The following RALGAPA2 variants were observed in gnomAD, a reference collection of about 807,000 sequenced individuals.
RALGAPA2 encodes ral GTPase-activating protein subunit alpha-2.
In RALGAPA2, 139 loss-of-function variants were observed where a neutral mutation model predicts 230.4. The observed-to-expected ratio is 0.60, with a 90% CI of 0.53 to 0.69. The LOEUF is 0.69. Ranked by LOEUF, RALGAPA2 falls within the 30% of genes least tolerant of loss-of-function variation. The pLI, the probability that RALGAPA2 is intolerant of heterozygous loss-of-function variation, is 0.00. For missense variants in RALGAPA2, 2,163 were observed against 2,276.0 expected (o/e 0.95, Z 1.01); for synonymous variants, 847 against 837.8 (o/e 1.01, Z -0.19).
At chr20:20,604,199 C>T (rs1425680894) in intron 15 of RALGAPA2, among the ~76,000 whole-genome samples, 1 of 152,166 alleles carries the variant, frequency 6.6e-6, no homozygotes, top group African/African-American at 2.4e-5. Context: ...TACTATATGC[C>T]TTTCTATGAG....
intron 1 of RALGAPA2, among the ~76,000 whole-genome samples, chr20:20,701,405 A>G (rs2069355664): frequency 6.6e-6 from 1 of 152,254 alleles, no homozygotes; most frequent in African/African-American, 2.4e-5. Flanking sequence ...TGCACTTATC[A>G]TTTAGTGGGA....
rs1164211587 is a variant in RALGAPA2, at chr20:20,560,728, C to T, written c.3156+10730G>A. On this transcript the variant is annotated intron_variant, in intron 23 of 39. Coordinates refer to ENST00000202677, the MANE Select transcript of RALGAPA2 (RefSeq NM_020343.4). Reference sequence around the variant, plus strand: ...TCCTTCCCCAAGTATAACTTTAGTACCTGAAATGTCTCTAGAAGCTATTCC... The same window carrying T: ...TCCTTCCCCAAGTATAACTTTAGTATCTGAAATGTCTCTAGAAGCTATTCC... Among the ~76,000 whole-genome samples the T allele has an allele frequency of 2.6e-5, 4 of 152,156 alleles. No homozygotes were observed. In the South Asian group the frequency reaches 6.2e-4, roughly 24 times the overall value.
chr20:20,410,305 T>C lies in RALGAPA2; in HGVS notation c.5617+1722A>G, dbSNP rs374334943. Among the ~76,000 whole-genome samples, 10 of 152,288 alleles carry C rather than the reference T, an allele frequency of 6.6e-5. No individual in the cohort carries two copies. In the East Asian group the frequency reaches 1.9e-3, roughly 29 times the overall value. On this transcript the variant is annotated intron_variant, in intron 38 of 39. Coordinates refer to ENST00000202677, the MANE Select transcript of RALGAPA2 (RefSeq NM_020343.4). ...GCTAAAATATACATAGAAAACAAAGTCCATCATTATTCATTTTGATAATAT... is the reference window on the plus strand; with the variant it reads ...GCTAAAATATACATAGAAAACAAAGCCCATCATTATTCATTTTGATAATAT...
At chr20:20,621,452 CTTTG>C (rs967916882) in intron 10 of RALGAPA2, among the ~76,000 whole-genome samples, 3 of 150,820 alleles carry the variant, frequency 2.0e-5, no homozygotes, top group East Asian at 1.9e-4. Flanking sequence ...CAAATCAGGA[CTTTG>C]TTTCTTTTTT....
At chr20:20,618,965 G>C (rs974460315) in intron 12 of RALGAPA2, among the ~76,000 whole-genome samples, 8 of 152,172 alleles carry the variant, frequency 5.3e-5, no homozygotes, top group Non-Finnish European at 1.0e-4. Flanking sequence ...CTACTCATAA[G>C]TGTTTGGAAG....
At chr20:20,521,241 T>G in intron 30 of RALGAPA2, 141 bp from the exon 31 acceptor site, 1 of 609,128 alleles carries the variant, frequency 1.6e-6, no homozygotes, top group South Asian at 2.9e-5. Flanking sequence ...TTAAATATCT[T>G]CTTGCTATTA....
chr20:20,462,324 T>C lies in RALGAPA2; in HGVS notation c.5495+10505A>G, dbSNP rs531937203. On this transcript the variant is annotated intron_variant, in intron 37 of 39. Transcript: ENST00000202677. The stretch of plus-strand genomic sequence containing the variant: ...AGAAACGAAAGCAGCTGTGCACTTC[T>C]CAAGTTGAATGTGTTAAAGCCATGT... Among the ~76,000 whole-genome samples the C allele has an allele frequency of 1.0e-3, 154 of 152,304 alleles. 1 individual carries two copies. Among genetic ancestry groups the C allele is most frequent in the African/African-American group, 3.5e-3 (144 of 41,556 alleles).
intron 23 of RALGAPA2, among the ~76,000 whole-genome samples, chr20:20,570,792 A>G (rs2064603800): frequency 6.6e-6 from 1 of 152,142 alleles, no homozygotes; most frequent in South Asian, 2.1e-4. Context: ...TGCCTGCTTG[A>G]TATCCCAAAT....
chr20:20,435,601 A>G (rs16981914), intron 37 of RALGAPA2, among the ~76,000 whole-genome samples: 4,984 of 152,336 alleles, frequency 0.033, 263 homozygotes, highest in African/African-American at 0.11. Context: ...CAGAGCTGAC[A>G]ATGCTGTGCC....
intron 1 of RALGAPA2, among the ~76,000 whole-genome samples, chr20:20,684,096 A>G (rs2068619484): frequency 6.6e-6 from 1 of 152,120 alleles, no homozygotes; most frequent in African/African-American, 2.4e-5. Flanking sequence ...GAATAAAACT[A>G]ACTTTAATTT....
At chr20:20,664,680 G>A (rs999217299) in intron 3 of RALGAPA2, among the ~76,000 whole-genome samples, 1 of 152,044 alleles carries the variant, frequency 6.6e-6, no homozygotes, top group Non-Finnish European at 1.5e-5. Flanking sequence ...TTGGCCATCC[G>A]TTTTATGCCA....
chr20:20,701,733 G>GAATA (rs749837795), intron 1 of RALGAPA2, among the ~76,000 whole-genome samples: 1 of 141,904 alleles, frequency 7.0e-6, no homozygotes, highest in East Asian at 2.1e-4. Context: ...TCATCTCAAA[G>GAATA]AATAAATAAA....
chr20:20,641,587 A>G (rs2067032579), intron 5 of RALGAPA2, among the ~76,000 whole-genome samples: 1 of 152,052 alleles, frequency 6.6e-6, no homozygotes, highest in African/African-American at 2.4e-5. Context: ...TTACACTTCA[A>G]ATTTATCCCA....
chr20:20,677,065 CAT>C (rs1283230937), intron 2 of RALGAPA2, among the ~76,000 whole-genome samples: 5 of 151,018 alleles, frequency 3.3e-5, no homozygotes, highest in South Asian at 2.1e-4. Context: ...TTCATTCATT[CAT>C]TGAATAAATA....
intron 16 of RALGAPA2, chr20:20,598,816 T>A (rs1603008692): frequency 2.2e-6 from 1 of 456,274 alleles, no homozygotes; most frequent in African/African-American, 2.0e-5. Context: ...CTGGCTTCGC[T>A]TAGCTTCCAG....
At chr20:20,517,470 G>A (rs2145411320) in intron 31 of RALGAPA2, among the ~76,000 whole-genome samples, 1 of 152,284 alleles carries the variant, frequency 6.6e-6, no homozygotes, top group African/African-American at 2.4e-5. Flanking sequence ...AGCTGCAACT[G>A]GTTTCTATCT....
chr20:20,579,370 G>GT (rs1359344022), intron 20 of RALGAPA2, among the ~76,000 whole-genome samples: 1 of 152,114 alleles, frequency 6.6e-6, no homozygotes, highest in Non-Finnish European at 1.5e-5. Context: ...GACAACAGGC[G>GT]TCCCCCTCCT....
chr20:20,456,492 T>G (rs1050284546), intron 37 of RALGAPA2, among the ~76,000 whole-genome samples: 1 of 152,246 alleles, frequency 6.6e-6, no homozygotes, highest in African/African-American at 2.4e-5. Context: ...TCTCCTCCCT[T>G]GAATCTAGGC....
At chr20:20,514,216 A>G (rs1233971733) in intron 31 of RALGAPA2, among the ~76,000 whole-genome samples, 1 of 151,834 alleles carries the variant, frequency 6.6e-6, no homozygotes, top group East Asian at 1.9e-4. Context: ...GAGCCATGCT[A>G]CCCTTCCTGG....
Sources: gnomAD v4.1 joint callset for allele counts (sites outside exome capture counted in the v4.1 genomes callset) on GRCh38, gnomAD v4.1.1 for gene constraint, MANE v1.5 for transcripts, NCBI Gene and HGNC (gene_info 2026-07-23, HGNC 2026-07-21) for gene names.